Variants in CPOX observed in about 807,000 individuals in gnomAD.
CPOX encodes oxygen-dependent coproporphyrinogen-III oxidase, mitochondrial.
Under a neutral mutation model 48.9 loss-of-function variants are expected in CPOX, and 24 were observed. That is an observed-to-expected ratio of 0.49 (90% confidence interval 0.36 to 0.69). The LOEUF (loss-of-function observed/expected upper bound fraction) is 0.69, where lower values mean the gene tolerates loss of function less well. CPOX is among the 30% of genes least tolerant of loss of function. CPOX has a pLI of 0.00. For missense variants in CPOX, 549 were observed against 597.3 expected, an observed-to-expected ratio of 0.92 and a Z score of 0.84; for synonymous variants, 249 against 234.6, an observed-to-expected ratio of 1.06 and a Z score of -0.56.
the CPOX span, among the ~76,000 whole-genome samples, chr3:98,572,938 C>A: frequency 6.6e-6 from 1 of 152,028 alleles, no homozygotes; most frequent in African/African-American, 2.4e-5. Context: ...GTGAAATACC[C>A]ACATAATTAA....
downstream of CPOX, among the ~76,000 whole-genome samples, chr3:98,577,564 G>C (rs1707181075): frequency 6.6e-6 from 1 of 152,208 alleles, no homozygotes; most frequent in Non-Finnish European, 1.5e-5. Flanking sequence ...GTGGAAGGCT[G>C]TGTGGAGGTT....
chr3:98,579,570 G>A lies in CPOX; in HGVS notation c.*1113C>T, dbSNP rs1707212397. On this transcript the variant is annotated 3_prime_UTR_variant, in exon 7 of 7. Coordinates refer to ENST00000647941, the MANE Select transcript of CPOX (RefSeq NM_000097.7). ...AACATTCAACGTGTTCCACGATAAT[G>A]ATATGTATGAGATGCTCTTCCTTAT... The A allele has an allele frequency of 5.1e-6, 5 of 985,248 alleles. No homozygotes were observed. Among genetic ancestry groups the A allele is most frequent in the Non-Finnish European group, 6.0e-6 (5 of 829,868 alleles). The allele number at this position is 985,248 out of a possible 1,614,324, so 61.0% of individuals were successfully genotyped here.
At chr3:98,591,899 G>C (rs560839000) in intron 1 of CPOX, among the ~76,000 whole-genome samples, 2 of 151,800 alleles carry the variant, frequency 1.3e-5, no homozygotes, top group Admixed American at 1.3e-4. Flanking sequence ...ACAAGTGGCT[G>C]CAACAATTTG....
At chr3:98,575,386 A>G (rs1707147182), downstream of CPOX, among the ~76,000 whole-genome samples, 2 of 152,266 alleles carry the variant, frequency 1.3e-5, no homozygotes, top group Admixed American at 1.3e-4. Context: ...ATTATTGAAA[A>G]TACTGTTTGA....
intron 3 of CPOX, 87 bp from the exon 4 acceptor site, chr3:98,588,941 A>AT (rs1707420992): frequency 3.4e-6 from 5 of 1,477,182 alleles, no homozygotes; most frequent in East Asian, 2.3e-5. Context: ...TAGCAGCTTA[A>AT]TTTTTTCAGC....
chr3:98,581,526 T>A lies in CPOX; in HGVS notation c.1173-15A>T. On this transcript the variant is annotated splice_polypyrimidine_tract_variant and intron_variant, in intron 5 of 6. Transcript: ENST00000647941. ...ATTCTACATACCTGCCATAAATACA[T>A]CAAATAACATTAAGGGCCAGCTCAA... The A allele has an allele frequency of 2.5e-6, 4 of 1,575,274 alleles. No homozygotes were observed. The highest frequency in any genetic ancestry group is 2.7e-5 in the African/African-American group (2 of 74,188).
the CPOX span, among the ~76,000 whole-genome samples, chr3:98,570,778 T>C: frequency 5.3e-5 from 8 of 152,214 alleles, no homozygotes; most frequent in African/African-American, 1.9e-4. Context: ...AATCCAGCTG[T>C]AGAACACTAC....
chr3:98,590,412 G>A (rs143380394), intron 3 of CPOX: 148 of 570,494 alleles, frequency 2.6e-4, no homozygotes, highest in Non-Finnish European at 3.9e-4. Context: ...GCCTCCCAAA[G>A]TGCTGGGATT....
At chr3:98,581,359 G>C in intron 6 of CPOX, 48 bp downstream of exon 6, 1 of 1,311,626 alleles carries the variant, frequency 7.6e-7, no homozygotes, top group Non-Finnish European at 1.1e-6. Flanking sequence ...GTGGGTGTTT[G>C]GGAATTGGGA....
intron 4 of CPOX, among the ~76,000 whole-genome samples, chr3:98,587,813 T>C (rs1017203180): frequency 1.3e-5 from 2 of 152,012 alleles, no homozygotes; most frequent in Non-Finnish European, 2.9e-5. Context: ...CTAACACTGC[T>C]TAAAGTCATC....
chr3:98,591,956 A>G (rs2107133075), intron 1 of CPOX, among the ~76,000 whole-genome samples: 1 of 141,862 alleles, frequency 7.0e-6, no homozygotes, highest in East Asian at 2.0e-4. Context: ...CACTTCACAT[A>G]TATTCCATCC....
chr3:98,590,529 A>C, intron 3 of CPOX, 103 bp downstream of exon 3: 1 of 842,572 alleles, frequency 1.2e-6, no homozygotes, highest in Non-Finnish European at 2.0e-6. Flanking sequence ...TGAAAGACCT[A>C]ATTAAGACTA....
At chr3:98,575,015 T>C (rs557598044), downstream of CPOX, among the ~76,000 whole-genome samples, 1 of 152,328 alleles carries the variant, frequency 6.6e-6, no homozygotes, top group African/African-American at 2.4e-5. Flanking sequence ...AAGCAGCAGG[T>C]GTGGAACAGA....
At chr3:98,578,351 G>T, downstream of CPOX, 1 of 336,974 alleles carries the variant, frequency 3.0e-6, no homozygotes, top group Non-Finnish European at 4.2e-6. Context: ...TAGCATTTTA[G>T]CATTATATCA....
At chr3:98,590,126 T>G (rs558810334) in intron 3 of CPOX, among the ~76,000 whole-genome samples, 1 of 152,356 alleles carries the variant, frequency 6.6e-6, no homozygotes, top group South Asian at 2.1e-4. Context: ...TTAGAGTCAG[T>G]CAATACCATT....
At chr3:98,591,414 T>C (rs1441211756) in intron 1 of CPOX, among the ~76,000 whole-genome samples, 1 of 152,222 alleles carries the variant, frequency 6.6e-6, no homozygotes, top group Admixed American at 6.5e-5. Context: ...AATAAATCAC[T>C]GGAATATTCT....
At chr3:98,571,529 A>G in the CPOX span, among the ~76,000 whole-genome samples, 1 of 151,322 alleles carries the variant, frequency 6.6e-6, no homozygotes, top group Non-Finnish European at 1.5e-5. Context: ...TCTACTAAAA[A>G]TACAAAAAAT....
intron 6 of CPOX, 72 bp downstream of exon 6, chr3:98,581,335 A>G: frequency 1.8e-6 from 2 of 1,096,270 alleles, no homozygotes; most frequent in Non-Finnish European, 2.8e-6. Context: ...CTGCAGTGTT[A>G]ACTTTCATAT....
At chr3:98,589,179 G>A (rs749651344) in intron 3 of CPOX, among the ~76,000 whole-genome samples, 5 of 151,948 alleles carry the variant, frequency 3.3e-5, no homozygotes, top group African/African-American at 7.3e-5. Context: ...AAACATAGCC[G>A]GGTGTGGTGG....
Sources: gnomAD v4.1 joint callset for allele counts (sites outside exome capture counted in the v4.1 genomes callset) on GRCh38, gnomAD v4.1.1 for gene constraint, MANE v1.5 for transcripts, NCBI Gene and HGNC (gene_info 2026-07-23, HGNC 2026-07-21) for gene names.